The following ARID1B variants were observed in gnomAD, a reference collection of about 807,000 sequenced individuals.
The protein encoded by ARID1B is AT-rich interaction domain 1B.
ARID1B carries 30 observed loss-of-function variants against 212.3 expected under a neutral mutation model. That is an observed-to-expected ratio of 0.14 (90% CI 0.11 to 0.19). The LOEUF is 0.19. Among genes scored for constraint, ARID1B ranks in the 10% least tolerant of loss-of-function variants. The pLI is 1.00. For missense variants in ARID1B, 2,891 were observed against 3,204.0 expected, an observed-to-expected ratio of 0.90 and a Z score of 2.36; for synonymous variants, 1,402 against 1,301.7, an observed-to-expected ratio of 1.08 and a Z score of -1.66.
At chr6:156,914,616 C>T (rs74936222) in intron 3 of ARID1B, among the ~76,000 whole-genome samples, 12 of 152,200 alleles carry the variant, frequency 7.9e-5, no homozygotes, top group Admixed American at 3.3e-4. Context: ...CAAAGCTTTA[C>T]GTATCTGGAG....
intron 4 of ARID1B, among the ~76,000 whole-genome samples, chr6:156,979,995 C>T (rs979175235): frequency 6.6e-6 from 1 of 152,186 alleles, no homozygotes; most frequent in Non-Finnish European, 1.5e-5. Context: ...CATGAGCCAC[C>T]ACACCCAGCC....
chr6:156,816,473 A>G (rs1162634763), intron 1 of ARID1B, among the ~76,000 whole-genome samples: 1 of 152,186 alleles, frequency 6.6e-6, no homozygotes, highest in African/African-American at 2.4e-5. Flanking sequence ...TAGGGTGAGG[A>G]AAAAACATAT....
Position 157,200,644 on chromosome 6 carries a change from T to G in ARID1B, c.4480-61T>G, listed in dbSNP as rs1222562670. 1 of 1,511,662 alleles carries G rather than the reference T, an allele frequency of 6.6e-7. No homozygotes were observed. The highest frequency in any genetic ancestry group is 1.4e-5 in the African/African-American group (1 of 71,702). 93.6% of individuals were successfully genotyped at this position (1,511,662 alleles called of 1,614,324 possible). A position where few individuals can be genotyped will look rare whatever the true frequency, so the allele number is the denominator to read the frequency against. On this transcript the variant is annotated intron_variant, in intron 17 of 19. Transcript: ENST00000636930. This position sits in a 1 kb window ranked among gnomAD's most constrained non-coding sequence, Gnocchi z 4.3. ...CAGGTAATAACTATTTTGCATAATT[T>G]CAGTGTGTGATTATACCTGTAAGAG...
chr6:156,969,374 C>G (rs1353630462), intron 4 of ARID1B, among the ~76,000 whole-genome samples: 1 of 152,102 alleles, frequency 6.6e-6, no homozygotes, highest in Non-Finnish European at 1.5e-5. Context: ...GTTCCCTGTT[C>G]AGCCGTGTTG....
intron 6 of ARID1B, among the ~76,000 whole-genome samples, chr6:157,127,858 A>T (rs1788249472): frequency 1.4e-5 from 2 of 144,632 alleles, no homozygotes; most frequent in South Asian, 4.4e-4. Context: ...GCTATTCAGG[A>T]GGCTGAGGCA....
In ARID1B at chr6:157,184,700, G is replaced by A. The variant is rs148664708; in HGVS notation, c.3919+265G>A. 9.4e-3 allele frequency: 5,010 copies of A among 535,470 alleles called. 184 individuals carry two copies. Among genetic ancestry groups the A allele is most frequent in the African/African-American group, 0.083 (4,363 of 52,658 alleles). The allele number at this position is 535,470 out of a possible 1,614,324, so 33.2% of individuals were successfully genotyped here. A position where few individuals can be genotyped will look rare whatever the true frequency, so the allele number is the denominator to read the frequency against. Reference sequence around the variant, plus strand: ...TTTACCTTAATCAAAACAGGCTTTCGAATTCTAAGCCATATACGTTTATTG... The same window carrying A: ...TTTACCTTAATCAAAACAGGCTTTCAAATTCTAAGCCATATACGTTTATTG... On this transcript the variant is annotated intron_variant, in intron 13 of 19. Transcript: ENST00000636930.
At chr6:157,028,979 CTG>C (rs892555768) in intron 4 of ARID1B, among the ~76,000 whole-genome samples, 1 of 152,202 alleles carries the variant, frequency 6.6e-6, no homozygotes, top group African/African-American at 2.4e-5. Flanking sequence ...TGTAGTCTAA[CTG>C]GAGTTATTTA....
At chr6:156,894,299 T>TGGGGGCCGGGGGGGGGGGGAG (rs1326684088) in intron 2 of ARID1B, among the ~76,000 whole-genome samples, 1 of 7,506 alleles carries the variant, frequency 1.3e-4, no homozygotes, top group Non-Finnish European at 2.6e-4. Context: ...GGGGTTGGGA[T>TGGGGGCCGGGGGGGGGGGGAG]GGGGGCCGGG....
chr6:156,980,905 A>G (rs888899979), intron 4 of ARID1B, among the ~76,000 whole-genome samples: 1 of 152,242 alleles, frequency 6.6e-6, no homozygotes, highest in African/African-American at 2.4e-5. Flanking sequence ...AGGGAGGGTC[A>G]CAGAAATTAA....
At chr6:156,809,306 C>G in intron 1 of ARID1B, among the ~76,000 whole-genome samples, 1 of 152,102 alleles carries the variant, frequency 6.6e-6, no homozygotes, top group East Asian at 1.9e-4. Flanking sequence ...ATTTTGTACA[C>G]AGGATGTTAT....
chr6:156,815,058 G>A (rs1273705151), intron 1 of ARID1B, among the ~76,000 whole-genome samples: 1 of 152,144 alleles, frequency 6.6e-6, no homozygotes, highest in East Asian at 1.9e-4. Flanking sequence ...CGTGTTTTGA[G>A]TATACCTAAA....
chr6:157,126,951 G>C (rs1788175396), intron 6 of ARID1B, among the ~76,000 whole-genome samples: 2 of 152,086 alleles, frequency 1.3e-5, no homozygotes, highest in African/African-American at 4.8e-5. Context: ...CATCTTAGAA[G>C]AATGTTCTGA....
intron 4 of ARID1B, among the ~76,000 whole-genome samples, chr6:156,960,809 T>C (rs975222528): frequency 5.0e-5 from 5 of 100,842 alleles, no homozygotes; most frequent in African/African-American, 1.9e-4. Flanking sequence ...CACTTTACTG[T>C]ATTTTTTTTA....
rs193114747 is a variant in ARID1B at position 157,160,535 on chromosome 6, T to C, written c.3090-6505T>C. 6.0e-4 allele frequency among the ~76,000 whole-genome samples: 92 copies of C among 152,322 alleles called. 1 individual carries two copies. The highest frequency in any genetic ancestry group is 3.6e-3 in the Admixed American group (55 of 15,296). ...GGTTGTGGTAACAGCCTCGTAACGG[T>C]CAGCCCCACATTCGTTCTTCTTGCC... On this transcript the variant is annotated intron_variant, in intron 8 of 19. Transcript: ENST00000636930.
chr6:157,080,363 A>G (rs1784565597), intron 4 of ARID1B, among the ~76,000 whole-genome samples: 1 of 152,254 alleles, frequency 6.6e-6, no homozygotes, highest in Admixed American at 6.5e-5. Context: ...TGGTGAGCTA[A>G]CTTACGCTAA....
At chr6:157,129,307 A>G (rs1364763573) in intron 6 of ARID1B, among the ~76,000 whole-genome samples, 1 of 152,148 alleles carries the variant, frequency 6.6e-6, no homozygotes, top group Non-Finnish European at 1.5e-5. Flanking sequence ...TGTCTCCCCT[A>G]CTAGATTCAG....
At chr6:156,881,767 G>A (rs891812830) in intron 2 of ARID1B, among the ~76,000 whole-genome samples, 1 of 152,120 alleles carries the variant, frequency 6.6e-6, no homozygotes, top group Non-Finnish European at 1.5e-5. Flanking sequence ...TTCGATTTGG[G>A]GTGGCGGCAA....
At chr6:157,009,995 T>G in intron 4 of ARID1B, among the ~76,000 whole-genome samples, 1 of 152,232 alleles carries the variant, frequency 6.6e-6, no homozygotes, top group East Asian at 1.9e-4. Flanking sequence ...AAGCAATTTT[T>G]TAGTAGCTCT....
intron 4 of ARID1B, among the ~76,000 whole-genome samples, chr6:157,022,100 A>G (rs2128476997): frequency 6.6e-6 from 1 of 151,924 alleles, no homozygotes. Context: ...GAAGGACGCC[A>G]GCAGGGCCGC....
Sources: allele counts gnomAD v4.1 joint callset (sites outside exome capture counted in the v4.1 genomes callset), GRCh38; gene constraint gnomAD v4.1.1; non-coding constraint Gnocchi (gnomAD v3.1); transcripts MANE v1.5; gene names NCBI Gene and HGNC (gene_info 2026-07-23, HGNC 2026-07-21).